The following RFX2 variants were observed in gnomAD, a reference collection of about 807,000 sequenced individuals.
RFX2 encodes the protein regulatory factor X2.
Under a neutral mutation model 87.8 loss-of-function variants are expected in RFX2, and 20 were observed. The observed-to-expected ratio is 0.23, with a 90% CI of 0.16 to 0.33. The LOEUF (loss-of-function observed/expected upper bound fraction) is 0.33. Among genes scored for constraint, RFX2 ranks in the 10% least tolerant of loss-of-function variants. The pLI, the probability that RFX2 is intolerant of heterozygous loss-of-function variation, is 1.00. For missense variants in RFX2, 767 were observed against 1,012.3 expected (o/e 0.76, Z 3.29); for synonymous variants, 397 against 431.3 (o/e 0.92, Z 0.98).
intron 1 of RFX2, among the ~76,000 whole-genome samples, chr19:6,065,748 G>C (rs2087500680): frequency 6.6e-6 from 1 of 152,066 alleles, no homozygotes; most frequent in African/African-American, 2.4e-5. Flanking sequence ...ATTTTCTTGG[G>C]GGCATTCAGC....
intron 1 of RFX2, among the ~76,000 whole-genome samples, chr19:6,077,860 A>C (rs1243296641): frequency 6.6e-6 from 1 of 151,786 alleles, no homozygotes; most frequent in Non-Finnish European, 1.5e-5. Flanking sequence ...CATGCCTGTA[A>C]TCCCAGCTAC....
intron 2 of RFX2, among the ~76,000 whole-genome samples, chr19:6,046,473 C>T (rs1032818539): frequency 5.3e-5 from 8 of 151,100 alleles, no homozygotes; most frequent in South Asian, 2.1e-4. Flanking sequence ...CCCAGCTACT[C>T]GGGAGGCTAA....
In RFX2 at chr19:6,011,103, C is replaced by G. The variant is rs917410684; in HGVS notation, c.900-852G>C. On this transcript the variant is annotated intron_variant, in intron 8 of 17. Coordinates refer to ENST00000303657, the MANE Select transcript of RFX2 (RefSeq NM_000635.4). The surrounding 1 kb of genome is among the most constrained non-coding windows in gnomAD (Gnocchi z 4.8). ...TGCACTCCAGCCTGGGCGACAAAAG[C>G]GAAACTCGGTCTCAAAAAAAATAAA... Among the ~76,000 whole-genome samples, 2 of 150,568 alleles carry G rather than the reference C, an allele frequency of 1.3e-5. No homozygotes were observed. The highest frequency in any genetic ancestry group is 4.2e-4 in the South Asian group (2 of 4,784).
Position 6,026,241 on chromosome 19 carries a change from A to T in RFX2, c.523-4T>A. 6.2e-7 allele frequency: 1 copy of T among 1,613,214 alleles called. No homozygotes were observed. Among genetic ancestry groups the T allele is most frequent in the Non-Finnish European group, 8.5e-7 (1 of 1,179,374 alleles). On this transcript the variant is annotated splice_region_variant and splice_polypyrimidine_tract_variant and intron_variant, in intron 5 of 17. Coordinates refer to ENST00000303657, the MANE Select transcript of RFX2 (RefSeq NM_000635.4). This position sits in a 1 kb window ranked among gnomAD's most constrained non-coding sequence, Gnocchi z 4.5. The stretch of plus-strand genomic sequence containing the variant: ...GGTTTTCAATCGCCATTTCAAGCTA[A>T]AGAAAATGTGTGCAGAAACAAAACA...
intron 1 of RFX2, among the ~76,000 whole-genome samples, chr19:6,097,632 C>T (rs2088048979): frequency 6.6e-6 from 1 of 152,034 alleles, no homozygotes; most frequent in Admixed American, 6.6e-5. Flanking sequence ...ACCCTCTCAC[C>T]CAGGCTGGAG....
intron 1 of RFX2, among the ~76,000 whole-genome samples, chr19:6,081,828 T>C (rs1267456275): frequency 4.6e-5 from 7 of 152,042 alleles, no homozygotes; most frequent in Non-Finnish European, 1.0e-4. Context: ...TGGCTCACGC[T>C]TGTAATCCCA....
chr19:6,049,308 A>T (rs1257150512), intron 1 of RFX2: 1 of 152,240 alleles, frequency 6.6e-6, no homozygotes, highest in African/African-American at 2.4e-5. Flanking sequence ...TCCACCAGTG[A>T]TAAAGTCAGA....
chr19:6,009,176 C>T (rs904977844), intron 9 of RFX2, among the ~76,000 whole-genome samples: 2 of 152,212 alleles, frequency 1.3e-5, no homozygotes, highest in African/African-American at 4.8e-5. Context: ...GCAGTGACCT[C>T]CTGGAGATGG....
At chr19:5,995,841 G>A (rs922637056) in intron 16 of RFX2, among the ~76,000 whole-genome samples, 198 bp from the exon 17 acceptor site, 1 of 152,220 alleles carries the variant, frequency 6.6e-6, no homozygotes, top group Non-Finnish European at 1.5e-5. Context: ...GGCCGCCTCT[G>A]GGAGCTGCTG....
intron 1 of RFX2, among the ~76,000 whole-genome samples, chr19:6,103,255 AGGCAGT>A (rs1276010313): frequency 9.9e-5 from 15 of 152,228 alleles, no homozygotes; most frequent in Non-Finnish European, 5.9e-5. Flanking sequence ...TATCATCTAC[AGGCAGT>A]GGCAAGTCAA....
rs576493331 is a variant in RFX2 at position 5,997,129 on chromosome 19, G to A, written c.1944C>T (p.Tyr648=). 5.0e-6 allele frequency: 8 copies of A among 1,613,772 alleles called. No homozygotes were observed. The highest frequency in any genetic ancestry group is 6.8e-6 in the Non-Finnish European group (8 of 1,180,004). Residue 648 remains tyrosine (Y), a synonymous_variant, in exon 16 of 18, where the codon TAC becomes TAT. Coordinates refer to ENST00000303657, the MANE Select transcript of RFX2 (RefSeq NM_000635.4). The surrounding 1 kb of genome is among the most constrained non-coding windows in gnomAD (Gnocchi z 4.2). ...FHLIRLLYDE[Y]MFYLVEHRVA... Reference sequence around the variant, plus strand: ...CGCGGTGCTCCACCAGGTAGAACATGTACTCGTCGTAGAGCAGGCGGATGA... The same window carrying A: ...CGCGGTGCTCCACCAGGTAGAACATATACTCGTCGTAGAGCAGGCGGATGA...
intron 1 of RFX2, among the ~76,000 whole-genome samples, chr19:6,106,291 C>T (rs1339014745): frequency 6.6e-6 from 1 of 152,048 alleles, no homozygotes; most frequent in African/African-American, 2.4e-5. Flanking sequence ...CCTTTCACTA[C>T]ACCAGGCATA....
In RFX2 at chr19:6,034,918, C is replaced by T. The variant is rs59614608; in HGVS notation, c.522+5062G>A. ...TTTCTCTTTTAATGGTATTATGTAT[C>T]GGGTATCATAAGACACCCTTCTTGG... On this transcript the variant is annotated intron_variant, in intron 5 of 17. Transcript: ENST00000303657. 7.6e-3 allele frequency among the ~76,000 whole-genome samples: 1,155 copies of T among 152,168 alleles called. 17 individuals carry two copies. The highest frequency in any genetic ancestry group is 0.036 in the East Asian group (188 of 5,180).
In RFX2 at chr19:6,044,304, GC is replaced by G; in HGVS notation, c.91-23del. The G allele has an allele frequency of 6.8e-7, 1 of 1,472,040 alleles. No individual in the cohort carries two copies. The highest frequency in any genetic ancestry group is 2.4e-5 in the Admixed American group (1 of 42,240). The allele number at this position is 1,472,040 out of a possible 1,614,324, so 91.2% of individuals were successfully genotyped here. A position where few individuals can be genotyped will look rare whatever the true frequency, so the allele number is the denominator to read the frequency against. On this transcript the variant is annotated intron_variant, in intron 2 of 17. Coordinates refer to ENST00000303657, the MANE Select transcript of RFX2 (RefSeq NM_000635.4). This position sits in a 1 kb window ranked among gnomAD's most constrained non-coding sequence, Gnocchi z 5.3. ...CCCTCTAAAAGGGAAGGGAGAGAAGGCCAGTTAGACTTGTCAGAGGTCAGTG... is the reference window on the plus strand; with the variant it reads ...CCCTCTAAAAGGGAAGGGAGAGAAGGCAGTTAGACTTGTCAGAGGTCAGTG...
chr19:6,026,328 T>C lies in RFX2; in HGVS notation c.523-91A>G. On this transcript the variant is annotated intron_variant, in intron 5 of 17. Coordinates refer to ENST00000303657, the MANE Select transcript of RFX2 (RefSeq NM_000635.4). This position sits in a 1 kb window ranked among gnomAD's most constrained non-coding sequence, Gnocchi z 4.5. ...GTTAGCATCAGCCAAGATTTGTTTTTATTAATATCCAAATAATGATTCGAG... is the reference window on the plus strand; with the variant it reads ...GTTAGCATCAGCCAAGATTTGTTTTCATTAATATCCAAATAATGATTCGAG... 9.4e-7 allele frequency: 1 copy of C among 1,067,124 alleles called. No homozygotes were observed. Among genetic ancestry groups the C allele is most frequent in the South Asian group, 1.4e-5 (1 of 73,650 alleles). The allele number at this position is 1,067,124 out of a possible 1,614,324, so 66.1% of individuals were successfully genotyped here. A position where few individuals can be genotyped will look rare whatever the true frequency, so the allele number is the denominator to read the frequency against.
rs1201331747 is a variant in RFX2 at position 6,016,165 on chromosome 19, G to T, written c.704C>A (p.Pro235Gln). The T allele has an allele frequency of 6.2e-7, 1 of 1,614,006 alleles. No homozygotes were observed. The highest frequency in any genetic ancestry group is 8.5e-7 in the Non-Finnish European group (1 of 1,179,982). ...LRHCQEHKLDPVNAASFGKLI... is the reference protein window; with the variant it reads ...LRHCQEHKLDQVNAASFGKLI... ...TTTCCCGAAGGAGGCGGCGTTCACTGGGTCTAGCTTGTGCTCCTGGCAGTG... is the reference window on the plus strand; with the variant it reads ...TTTCCCGAAGGAGGCGGCGTTCACTTGGTCTAGCTTGTGCTCCTGGCAGTG... Residue 235 changes from proline (P) to glutamine (Q), a missense_variant, in exon 7 of 18, where the codon CCA (proline) becomes CAA (glutamine). Pro to Gln is a moderately conservative substitution (Grantham distance 76, BLOSUM62 -1). Transcript: ENST00000303657. The surrounding 1 kb of genome is among the most constrained non-coding windows in gnomAD (Gnocchi z 5.4).
chr19:6,039,904 TACTC>T lies in RFX2; in HGVS notation c.522+72_522+75del. 1.4e-6 allele frequency: 2 copies of T among 1,445,090 alleles called. No homozygotes were observed. The highest frequency in any genetic ancestry group is 1.4e-5 in the African/African-American group (1 of 70,744). 89.5% of individuals were successfully genotyped at this position (1,445,090 alleles called of 1,614,324 possible). ...CCCCTCCGGGCCTCCGGCTGCCTCT[TACTC>T]ACCATCCCTGCTGCCGCTGCTTCGA... is the stretch of plus-strand genomic sequence containing the variant. On this transcript the variant is annotated intron_variant, in intron 5 of 17. Coordinates refer to ENST00000303657, the MANE Select transcript of RFX2 (RefSeq NM_000635.4). The surrounding 1 kb of genome is among the most constrained non-coding windows in gnomAD (Gnocchi z 5.2).
intron 1 of RFX2, among the ~76,000 whole-genome samples, chr19:6,086,822 C>A (rs749146894): frequency 1.3e-5 from 2 of 152,192 alleles, no homozygotes; most frequent in African/African-American, 2.4e-5. Context: ...TACAGAGATA[C>A]AAACATCACA....
intron 1 of RFX2, among the ~76,000 whole-genome samples, chr19:6,055,402 G>A (rs1443027463): frequency 6.6e-6 from 1 of 152,096 alleles, no homozygotes; most frequent in Non-Finnish European, 1.5e-5. Flanking sequence ...ACTTGTATAA[G>A]CATGTTCATA....
Sources: allele counts gnomAD v4.1 joint callset (sites outside exome capture counted in the v4.1 genomes callset), GRCh38; gene constraint gnomAD v4.1.1; non-coding constraint Gnocchi (gnomAD v3.1); transcripts MANE v1.5; gene names NCBI Gene and HGNC (gene_info 2026-07-23, HGNC 2026-07-21).